The following INO80D variants were observed in gnomAD, a reference collection of about 807,000 sequenced individuals.
The protein encoded by INO80D is INO80 complex subunit D.
In INO80D, 21 loss-of-function variants were observed where a neutral mutation model predicts 87.6. The observed-to-expected ratio is 0.24, with a 90% CI of 0.17 to 0.35. INO80D has a LOEUF of 0.35. Ranked by LOEUF, INO80D falls within the 10% of genes least tolerant of loss-of-function variation. INO80D has a pLI of 1.00. For synonymous variants in INO80D, 440 were observed against 491.0 expected (o/e 0.90, Z 1.37); for missense variants, 982 against 1,280.7 (o/e 0.77, Z 3.56).
chr2:206,081,602 AATTAGCCAGG>A (rs566190012), intron 1 of INO80D, among the ~76,000 whole-genome samples: 13 of 151,808 alleles, frequency 8.6e-5, no homozygotes, highest in Non-Finnish European at 1.9e-4. Flanking sequence ...AAAATACAAA[AATTAGCCAGG>A]CATGGTGGCA....
At chr2:206,065,218 C>T (rs1689782558) in intron 1 of INO80D, among the ~76,000 whole-genome samples, 1 of 152,266 alleles carries the variant, frequency 6.6e-6, no homozygotes, top group South Asian at 2.1e-4. Context: ...TGCCTGTAAT[C>T]CCAGCACTTT....
rs372051028 is a variant in INO80D at position 206,056,545 on chromosome 2, G to A, written c.617C>T (p.Pro206Leu). 4.2e-5 allele frequency: 67 copies of A among 1,612,810 alleles called. No homozygotes were observed. The highest frequency in any genetic ancestry group is 1.3e-4 in the South Asian group (12 of 90,912). The part of the protein sequence containing the change: ...PPPAPSQQQP[P>L]QQHSHLSPLS... Reference sequence around the variant, plus strand: ...AGGTGACAGGTGGGAGTGCTGCTGCGGAGGCTGCTGCTGTGAAGGTGCAGG... The same window carrying A: ...AGGTGACAGGTGGGAGTGCTGCTGCAGAGGCTGCTGCTGTGAAGGTGCAGG... Residue 206 changes from proline to leucine, a missense_variant, in exon 4 of 11, where the codon CCG (proline) becomes CTG (leucine). Physicochemically the swap from Pro to Leu is moderately conservative, Grantham distance 98. Transcript: ENST00000403263.
intron 1 of INO80D, among the ~76,000 whole-genome samples, chr2:206,073,224 T>A (rs1690021638): frequency 6.6e-6 from 1 of 152,202 alleles, no homozygotes; most frequent in African/African-American, 2.4e-5. Flanking sequence ...TTCTCTACAT[T>A]AATAAACTTC....
rs1687832041 is a variant in INO80D at position 205,997,643 on chromosome 2, C to T, written c.*6725G>A. The T allele has an allele frequency of 6.6e-6, 1 of 152,062 alleles. No homozygotes were observed. Among genetic ancestry groups the T allele is most frequent in the Admixed American group, 6.6e-5 (1 of 15,262 alleles). The allele number at this position is 152,062 out of a possible 1,614,324, so 9.4% of individuals were successfully genotyped here. A position where few individuals can be genotyped will look rare whatever the true frequency, so the allele number is the denominator to read the frequency against. On this transcript the variant is annotated 3_prime_UTR_variant, in exon 11 of 11. Transcript: ENST00000403263. ...TGTCTCCCTCTCTTATTTTTATGCT[C>T]GAAAGTGAGAGGCTGATCTTAGAAC...
chr2:206,073,729 G>A (rs1690032914), intron 1 of INO80D, among the ~76,000 whole-genome samples: 1 of 152,050 alleles, frequency 6.6e-6, no homozygotes, highest in Admixed American at 6.5e-5. Context: ...TGCCCAGGCT[G>A]GTCTCGAACC....
At chr2:206,045,754 T>C (rs558488835) in intron 5 of INO80D, among the ~76,000 whole-genome samples, 4 of 150,208 alleles carry the variant, frequency 2.7e-5, no homozygotes, top group East Asian at 1.9e-4. Flanking sequence ...AAATAAAGAA[T>C]GGATCAATGT....
chr2:206,033,290 T>C (rs759208031), intron 5 of INO80D, among the ~76,000 whole-genome samples: 1 of 152,160 alleles, frequency 6.6e-6, no homozygotes, highest in Non-Finnish European at 1.5e-5. Context: ...ATAAACACTC[T>C]ATTCAACAGT....
In INO80D at chr2:206,028,093, G is replaced by C. The variant is rs1481189370; in HGVS notation, c.1298+18C>G. 8 of 1,499,520 alleles carry C rather than the reference G, an allele frequency of 5.3e-6. No individual in the cohort carries two copies. Among genetic ancestry groups the C allele is most frequent in the Non-Finnish European group, 6.3e-6 (7 of 1,108,068 alleles). The allele number at this position is 1,499,520 out of a possible 1,614,324, so 92.9% of individuals were successfully genotyped here. A position where few individuals can be genotyped will look rare whatever the true frequency, so the allele number is the denominator to read the frequency against. ...AACTGAGATGAGTCCCTTAAGAATA[G>C]GTTGCTGTGGCTCTAACCTGGTTCG... is the stretch of plus-strand genomic sequence containing the variant. On this transcript the variant is annotated intron_variant, in intron 6 of 10. Transcript: ENST00000403263.
chr2:206,014,708 G>A (rs1199593606), intron 8 of INO80D, among the ~76,000 whole-genome samples: 1 of 151,980 alleles, frequency 6.6e-6, no homozygotes, highest in Non-Finnish European at 1.5e-5. Flanking sequence ...ATAGCAAATT[G>A]GTACCAGTAG....
At chr2:206,072,671 G>C (rs762264001) in intron 1 of INO80D, among the ~76,000 whole-genome samples, 59 of 152,030 alleles carry the variant, frequency 3.9e-4, no homozygotes, top group Non-Finnish European at 7.6e-4. Context: ...AGTTGGTTTG[G>C]AGAAGGAAGA....
At chr2:206,082,104 TC>T (rs2105915123) in intron 1 of INO80D, among the ~76,000 whole-genome samples, 1 of 152,320 alleles carries the variant, frequency 6.6e-6, no homozygotes, top group East Asian at 1.9e-4. Flanking sequence ...CACTGCAACC[TC>T]CGCCTCCCAG....
At position 206,017,626 on chromosome 2, in the gene INO80D, C is replaced by G. The variant is rs1688353062; in HGVS notation, c.1542+54G>C. The G allele has an allele frequency of 2.1e-6, 3 of 1,409,946 alleles. No homozygotes were observed. The East Asian group carries it at 7.5e-5, about 35-fold the overall frequency. The allele number at this position is 1,409,946 out of a possible 1,614,324, so 87.3% of individuals were successfully genotyped here. ...ATAGTTTGTGCTAAGTTATAAAATA[C>G]TTCCTACAGTGGATAGCTACAAAAA... On this transcript the variant is annotated intron_variant, in intron 8 of 10. Coordinates refer to ENST00000403263, the MANE Select transcript of INO80D (RefSeq NM_017759.5).
At chr2:206,043,040 T>C (rs1689095642) in intron 5 of INO80D, among the ~76,000 whole-genome samples, 1 of 152,214 alleles carries the variant, frequency 6.6e-6, no homozygotes, top group Admixed American at 6.5e-5. Flanking sequence ...AAAAAGATTC[T>C]TTAGGCACAA....
chr2:206,021,689 T>C (rs987130058), intron 6 of INO80D, among the ~76,000 whole-genome samples: 1 of 152,174 alleles, frequency 6.6e-6, no homozygotes, highest in Non-Finnish European at 1.5e-5. Context: ...CTCGACTCAC[T>C]GCAACCCTCA....
rs1472441819 is a variant in INO80D, at chr2:205,996,783, G to A, written c.*7585C>T. 6.6e-6 allele frequency: 1 copy of A among 151,996 alleles called. No individual in the cohort carries two copies. Among genetic ancestry groups the A allele is most frequent in the East Asian group, 1.9e-4 (1 of 5,198 alleles). The allele number at this position is 151,996 out of a possible 1,614,324, so 9.4% of individuals were successfully genotyped here. On this transcript the variant is annotated 3_prime_UTR_variant, in exon 11 of 11. Coordinates refer to ENST00000403263, the MANE Select transcript of INO80D (RefSeq NM_017759.5). ...TCTCTGTACAGATATACACATAAGG[G>A]TCTGTTTTCACCCTTCAACCGGGAG...
At chr2:206,037,023 AAG>A (rs1688913408) in intron 5 of INO80D, among the ~76,000 whole-genome samples, 1 of 152,152 alleles carries the variant, frequency 6.6e-6, no homozygotes, top group Non-Finnish European at 1.5e-5. Flanking sequence ...GAGAATTGAG[AAG>A]AGAAAGGCCA....
chr2:206,031,456 G>A (rs182102060), intron 5 of INO80D, among the ~76,000 whole-genome samples: 9 of 152,234 alleles, frequency 5.9e-5, no homozygotes, highest in Middle Eastern at 3.4e-3. Flanking sequence ...AGCTTGGGTC[G>A]ATAATCAGTT....
At chr2:206,047,233 T>C (rs1253085210) in intron 4 of INO80D, among the ~76,000 whole-genome samples, 1 of 152,064 alleles carries the variant, frequency 6.6e-6, no homozygotes, top group African/African-American at 2.4e-5. Context: ...TTCTTTTTTT[T>C]TGAGACAGGG....
At chr2:206,083,994 A>G (rs1350377247) in intron 1 of INO80D, among the ~76,000 whole-genome samples, 1 of 151,862 alleles carries the variant, frequency 6.6e-6, no homozygotes, top group Admixed American at 6.6e-5. Flanking sequence ...CTCAAGAACA[A>G]CAAGGAGGTA....
Sources: gnomAD v4.1 joint callset for allele counts (sites outside exome capture counted in the v4.1 genomes callset) on GRCh38, gnomAD v4.1.1 for gene constraint, MANE v1.5 for transcripts, NCBI Gene and HGNC (gene_info 2026-07-23, HGNC 2026-07-21) for gene names.